NFIB: variants seen among roughly 807,000 people sequenced by gnomAD.
NFIB encodes nuclear factor I B.
Under a neutral mutation model 61.5 loss-of-function variants are expected in NFIB, and 11 were observed. The ratio of observed to expected loss-of-function variants is 0.18; its 90% CI spans 0.11 to 0.30. The LOEUF is 0.30. Ranked by LOEUF, NFIB falls within the 10% of genes least tolerant of loss-of-function variation. NFIB has a pLI of 1.00. For missense variants in NFIB, 471 were observed against 608.9 expected, an observed-to-expected ratio of 0.77 and a Z score of 2.38; for synonymous variants, 260 against 216.5, an observed-to-expected ratio of 1.20 and a Z score of -1.76.
the NFIB span, among the ~76,000 whole-genome samples, chr9:14,458,038 A>G: frequency 2.0e-5 from 3 of 152,304 alleles, no homozygotes; most frequent in Admixed American, 2.0e-4. Context: ...TCATCCTGAT[A>G]CCAAAGCCTG....
At chr9:14,257,927 A>T (rs1017127893) in intron 2 of NFIB, among the ~76,000 whole-genome samples, 1 of 152,198 alleles carries the variant, frequency 6.6e-6, no homozygotes, top group South Asian at 2.1e-4. Context: ...TTCTTAAAGC[A>T]TCATATCAGT....
At chr9:14,132,850 T>C (rs994351980) in intron 6 of NFIB, among the ~76,000 whole-genome samples, 1 of 152,208 alleles carries the variant, frequency 6.6e-6, no homozygotes. Context: ...TAGGCTTGAT[T>C]CATTGCATAC....
At chr9:14,241,757 C>G (rs2054386073) in intron 2 of NFIB, among the ~76,000 whole-genome samples, 2 of 152,064 alleles carry the variant, frequency 1.3e-5, no homozygotes, top group Admixed American at 1.3e-4. Flanking sequence ...AATTCAAAAA[C>G]AGAAATATCA....
At chr9:14,459,126 G>T in the NFIB span, among the ~76,000 whole-genome samples, 3 of 139,482 alleles carry the variant, frequency 2.2e-5, no homozygotes, top group African/African-American at 4.9e-5. Context: ...ATACTACAAG[G>T]TTACAGTAAT....
chr9:14,252,638 A>C (rs1414939222), intron 2 of NFIB, among the ~76,000 whole-genome samples: 1 of 148,350 alleles, frequency 6.7e-6, no homozygotes, highest in Non-Finnish European at 1.5e-5. Context: ...TTTCAGAAAT[A>C]ATAGAGTCAA....
At position 14,108,584 on chromosome 9, in the gene NFIB, A is replaced by G. The variant is rs80034138; in HGVS notation, c.1467+4415T>C. Among the ~76,000 whole-genome samples, 379 of 152,232 alleles carry G rather than the reference A, an allele frequency of 2.5e-3. 4 individuals carry two copies. In the East Asian group the frequency reaches 0.029, roughly 12 times the overall value. ...TGAAATTCAAATAATAGCATTATATAGTCATGCAAGAGATGTAACATGCTG... is the reference window on the plus strand; with the variant it reads ...TGAAATTCAAATAATAGCATTATATGGTCATGCAAGAGATGTAACATGCTG... On this transcript the variant is annotated intron_variant, in intron 10 of 10. Coordinates refer to ENST00000380953, the MANE Select transcript of NFIB (RefSeq NM_001190737.2).
At chr9:14,100,922 C>T (rs752164414) in intron 10 of NFIB, among the ~76,000 whole-genome samples, 6 of 151,994 alleles carry the variant, frequency 3.9e-5, no homozygotes, top group East Asian at 1.9e-4. Context: ...TAAGCTTGTA[C>T]GCAGACATGA....
At chr9:14,345,906 G>A (rs1320356628) in intron 1 of NFIB, among the ~76,000 whole-genome samples, 1 of 152,138 alleles carries the variant, frequency 6.6e-6, no homozygotes. Flanking sequence ...TTCTCCTCGG[G>A]TGCCATTTCG....
intron 10 of NFIB, among the ~76,000 whole-genome samples, chr9:14,088,790 T>C (rs548824): frequency 0.14 from 21,292 of 152,174 alleles, 1,646 homozygotes; most frequent in South Asian, 0.24. Context: ...ATTTCTTACC[T>C]GCCTATTGGG....
chr9:14,511,357 T>C, the NFIB span, among the ~76,000 whole-genome samples: 2 of 152,008 alleles, frequency 1.3e-5, no homozygotes, highest in Non-Finnish European at 2.9e-5. Flanking sequence ...AATCTTTTCA[T>C]TATTATGTAA....
intron 1 of NFIB, among the ~76,000 whole-genome samples, chr9:14,332,477 G>C (rs553775814): frequency 3.9e-5 from 6 of 152,086 alleles, no homozygotes; most frequent in Non-Finnish European, 7.4e-5. Flanking sequence ...TTCCTAGAAA[G>C]GTAAGAAATT....
At chr9:14,498,290 G>A in the NFIB span, among the ~76,000 whole-genome samples, 4 of 152,188 alleles carry the variant, frequency 2.6e-5, no homozygotes, top group African/African-American at 9.7e-5. Context: ...TCCAAGAGTT[G>A]TAATATGACT....
the NFIB span, among the ~76,000 whole-genome samples, chr9:14,421,734 G>T: frequency 1.7e-4 from 26 of 152,282 alleles, no homozygotes; most frequent in East Asian, 4.4e-3. Flanking sequence ...TAACAGCAAA[G>T]ATTCATTTTG....
Position 14,085,491 on chromosome 9 carries a change from A to T in NFIB, c.*2818T>A, listed in dbSNP as rs568101903. 9.0e-6 allele frequency: 2 copies of T among 221,758 alleles called. No homozygotes were observed. Among genetic ancestry groups the T allele is most frequent in the East Asian group, 1.3e-4 (2 of 15,076 alleles). The allele number at this position is 221,758 out of a possible 1,614,324, so 13.7% of individuals were successfully genotyped here. ...TACCATTCCTTAAAAAAATCCCATC[A>T]GCATCTAATGGGTTTAATTCATCCA... On this transcript the variant is annotated 3_prime_UTR_variant, in exon 11 of 11. Transcript: ENST00000380953.
rs1408265301 is a variant in NFIB at position 14,155,893 on chromosome 9, C to A, written c.617G>T (p.Gly206Val). 3 of 1,540,114 alleles carry A rather than the reference C, an allele frequency of 1.9e-6. No individual in the cohort carries two copies. The highest frequency in any genetic ancestry group is 1.7e-4 in the Middle Eastern group (1 of 5,874). The stretch of plus-strand genomic sequence containing the variant: ...TTTTACAAAACTATCCTCAAGGTAA[C>A]CTGAAAATAAATATTAAAGGAAAAA... ...SHNDPAKNPP[G>V]YLEDSFVKSG... Residue 206 changes from glycine to valine, a missense_variant and splice_region_variant, in exon 4 of 11, where the codon GGT becomes GTT. Transcript: ENST00000380953.
chr9:14,199,970 G>A (rs887311587), intron 2 of NFIB, among the ~76,000 whole-genome samples: 22 of 152,128 alleles, frequency 1.4e-4, no homozygotes, highest in African/African-American at 5.3e-4. Context: ...ATCACGCAGG[G>A]AGAACAGGAG....
At chr9:14,440,766 C>G in the NFIB span, among the ~76,000 whole-genome samples, 1 of 152,078 alleles carries the variant, frequency 6.6e-6, no homozygotes, top group African/African-American at 2.4e-5. Context: ...ATTACGTGTT[C>G]ATGTTTCATT....
chr9:14,456,392 G>C, the NFIB span, among the ~76,000 whole-genome samples: 1 of 151,962 alleles, frequency 6.6e-6, no homozygotes, highest in African/African-American at 2.4e-5. Context: ...ACCACAAACA[G>C]AGTAAAAAGA....
the NFIB span, among the ~76,000 whole-genome samples, chr9:14,413,914 T>C: frequency 6.6e-6 from 1 of 152,108 alleles, no homozygotes; most frequent in Non-Finnish European, 1.5e-5. Flanking sequence ...AGAAACAACA[T>C]GCAAATAACT....
Sources: allele counts gnomAD v4.1 joint callset (sites outside exome capture counted in the v4.1 genomes callset), GRCh38; gene constraint gnomAD v4.1.1; transcripts MANE v1.5; gene names NCBI Gene and HGNC (gene_info 2026-07-23, HGNC 2026-07-21).